The following PIP5K1A variants were observed in gnomAD, a reference collection of about 807,000 sequenced individuals.
PIP5K1A encodes phosphatidylinositol 4-phosphate 5-kinase type-1 alpha.
PIP5K1A carries 46 observed loss-of-function variants against 72.9 expected under a neutral mutation model. The ratio of observed to expected loss-of-function variants is 0.63; its 90% CI spans 0.50 to 0.81. PIP5K1A has a LOEUF of 0.81. Among genes scored for constraint, PIP5K1A ranks in the 30% least tolerant of loss-of-function variants. The pLI, the probability that PIP5K1A is intolerant of heterozygous loss-of-function variation, is 0.00. For synonymous variants in PIP5K1A, 228 were observed against 255.1 expected (o/e 0.89, Z 1.01); for missense variants, 458 against 706.1 (o/e 0.65, Z 3.98).
intron 3 of PIP5K1A, 56 bp from the exon 4 acceptor site, chr1:151,227,264 G>C (rs1184968597): frequency 1.0e-6 from 1 of 976,360 alleles, no homozygotes; most frequent in African/African-American, 1.6e-5. Context: ...TACCATTGTG[G>C]TAGCTATTTG....
In PIP5K1A at chr1:151,236,831, T is replaced by TTC. The variant is rs1436725438; in HGVS notation, c.1145+69_1145+70insCT. Reference sequence around the variant, plus strand: ...CAGCACTTTTCTTTTCTTTTTTTTTTTTTTTTTTTTTTAGTTTCACTCTTG... The same window carrying TTC: ...CAGCACTTTTCTTTTCTTTTTTTTTTTCTTTTTTTTTTTTAGTTTCACTCTTG... On this transcript the variant is annotated intron_variant, in intron 9 of 15. Coordinates refer to ENST00000368888, the MANE Select transcript of PIP5K1A (RefSeq NM_001135638.2). 2.6e-4 allele frequency: 288 copies of TTC among 1,087,438 alleles called. 3 individuals carry two copies. The African/African-American group carries it at 4.0e-3, about 15-fold the overall frequency. 67.4% of individuals were successfully genotyped at this position (1,087,438 alleles called of 1,614,324 possible).
chr1:151,218,203 C>G (rs1209518786), intron 1 of PIP5K1A, among the ~76,000 whole-genome samples: 2 of 152,160 alleles, frequency 1.3e-5, no homozygotes, highest in African/African-American at 4.8e-5. Context: ...GTTTCTGCTC[C>G]TCTAGAATAC....
intron 4 of PIP5K1A, among the ~76,000 whole-genome samples, chr1:151,230,007 C>T (rs1689804603): frequency 6.6e-6 from 1 of 151,928 alleles, no homozygotes; most frequent in African/African-American, 2.4e-5. Context: ...AGAATGGTGT[C>T]AACCAGGGAG....
chr1:151,246,715 ATATTT>A (rs587688709), intron 14 of PIP5K1A, among the ~76,000 whole-genome samples, 200 bp from the exon 15 acceptor site: 96 of 152,308 alleles, frequency 6.3e-4, no homozygotes, highest in African/African-American at 2.2e-3. Flanking sequence ...GTACTGGGAA[ATATTT>A]TATAGTATTC....
upstream of PIP5K1A, chr1:151,198,128 C>G (rs1248318520): frequency 2.1e-6 from 1 of 469,780 alleles, no homozygotes; most frequent in East Asian, 7.0e-5. Flanking sequence ...GTAAGACATG[C>G]ACGCACGTTT....
chr1:151,215,913 C>G lies in PIP5K1A; in HGVS notation c.86-8332C>G, dbSNP rs763425184. ...ACATGTATGCTTATCATGCTGTAAG[C>G]AAATGGGACCCCAGGAGTAAGGGGT... On this transcript the variant is annotated intron_variant, in intron 1 of 15. Transcript: ENST00000368888. The G allele has an allele frequency of 2.6e-6, 3 of 1,163,684 alleles. No individual in the cohort carries two copies. In the South Asian group the frequency reaches 3.8e-5, roughly 15 times the overall value. 72.1% of individuals were successfully genotyped at this position (1,163,684 alleles called of 1,614,324 possible).
At chr1:151,195,883 G>GTTTTT (rs1558218879), upstream of PIP5K1A, among the ~76,000 whole-genome samples, 53 of 50,288 alleles carry the variant, frequency 1.1e-3, no homozygotes, top group South Asian at 2.6e-3. Context: ...AACACCAGCC[G>GTTTTT]ATTTTTTTTT....
intron 3 of PIP5K1A, among the ~76,000 whole-genome samples, chr1:151,226,582 G>A (rs1344290553): frequency 6.6e-6 from 1 of 151,746 alleles, no homozygotes; most frequent in Non-Finnish European, 1.5e-5. Flanking sequence ...GTGTGGTGGT[G>A]CATTCCTGTA....
At position 151,232,356 on chromosome 1, in the gene PIP5K1A, T is replaced by C; in HGVS notation, c.477T>C (p.Asp159=). Residue 159 remains aspartate, a synonymous_variant, in exon 6 of 16, where the codon GAT becomes GAC. Transcript: ENST00000368888. Reference sequence around the variant, plus strand: ...GGGAGCTATTTGGTATCCGGCCCGATGATTACTTGGTAAGCATCTGGATAT... The same window carrying C: ...GGGAGCTATTTGGTATCCGGCCCGACGATTACTTGGTAAGCATCTGGATAT... ...YFRELFGIRP[D]DYLYSLCSEP... 6.2e-7 allele frequency: 1 copy of C among 1,611,528 alleles called. No individual in the cohort carries two copies. The highest frequency in any genetic ancestry group is 8.5e-7 in the Non-Finnish European group (1 of 1,177,590).
At chr1:151,223,348 CAA>C (rs1234599998) in intron 1 of PIP5K1A, among the ~76,000 whole-genome samples, 15 of 63,326 alleles carry the variant, frequency 2.4e-4, no homozygotes, top group Non-Finnish European at 1.9e-4. Flanking sequence ...AACTCCGTCT[CAA>C]AAAAAAAAAA....
At chr1:151,231,851 A>G (rs1039111109) in intron 5 of PIP5K1A, 50 bp downstream of exon 5, 4 of 1,597,094 alleles carry the variant, frequency 2.5e-6, no homozygotes, top group Non-Finnish European at 3.4e-6. Flanking sequence ...GGCCTTTTCA[A>G]ATCAGCCCAG....
chr1:151,212,806 C>T (rs1687014579), intron 1 of PIP5K1A, among the ~76,000 whole-genome samples: 1 of 150,764 alleles, frequency 6.6e-6, no homozygotes, highest in African/African-American at 2.4e-5. Context: ...ATCTCTTGAC[C>T]TCGTGATCTG....
At chr1:151,223,164 G>A (rs1017661531) in intron 1 of PIP5K1A, among the ~76,000 whole-genome samples, 1 of 150,946 alleles carries the variant, frequency 6.6e-6, no homozygotes, top group Non-Finnish European at 1.5e-5. Flanking sequence ...CACCCTGGCC[G>A]ACATGATGAA....
intron 12 of PIP5K1A, chr1:151,240,417 C>T (rs1691517582): frequency 1.1e-5 from 2 of 178,416 alleles, no homozygotes; most frequent in African/African-American, 4.8e-5. Context: ...TCTAGACTAT[C>T]TCAGGTGGTT....
At chr1:151,204,703 A>T (rs1685694770) in intron 1 of PIP5K1A, among the ~76,000 whole-genome samples, 1 of 152,198 alleles carries the variant, frequency 6.6e-6, no homozygotes, top group Non-Finnish European at 1.5e-5. Context: ...TTTACTCTCC[A>T]TAGGGATTTT....
chr1:151,196,550 ATTT>A (rs5777766), upstream of PIP5K1A, among the ~76,000 whole-genome samples: 2 of 114,756 alleles, frequency 1.7e-5, no homozygotes, highest in Non-Finnish European at 1.7e-5. Flanking sequence ...ATGCATGGGG[ATTT>A]TTTTTTTTTT....
intron 3 of PIP5K1A, among the ~76,000 whole-genome samples, chr1:151,224,813 C>T (rs1688874632): frequency 6.6e-6 from 1 of 152,162 alleles, no homozygotes; most frequent in African/African-American, 2.4e-5. Context: ...TCCAGAATAT[C>T]GCCATTTTGC....
chr1:151,229,168 A>AC (rs1491191217), intron 4 of PIP5K1A, among the ~76,000 whole-genome samples: 1 of 17,442 alleles, frequency 5.7e-5, no homozygotes, highest in Admixed American at 4.7e-4. Flanking sequence ...ACCCCGTCTC[A>AC]AAAAAAAAAA....
intron 1 of PIP5K1A, among the ~76,000 whole-genome samples, chr1:151,201,982 A>T (rs1685279098): frequency 6.6e-6 from 1 of 152,216 alleles, no homozygotes; most frequent in Non-Finnish European, 1.5e-5. Context: ...AAAGTAGTTA[A>T]ACATCTCTTA....
Sources: gnomAD v4.1 joint callset for allele counts (sites outside exome capture counted in the v4.1 genomes callset) on GRCh38, gnomAD v4.1.1 for gene constraint, MANE v1.5 for transcripts, NCBI Gene and HGNC (gene_info 2026-07-23, HGNC 2026-07-21) for gene names.